The following ZMYND8 variants were observed in gnomAD, a reference collection of about 807,000 sequenced individuals.
ZMYND8 encodes MYND-type zinc finger-containing chromatin reader ZMYND8.
A neutral mutation model predicts 140.8 loss-of-function variants in ZMYND8; 37 were observed. The ratio of observed to expected loss-of-function variants is 0.26; its 90% CI spans 0.20 to 0.35. The LOEUF (loss-of-function observed/expected upper bound fraction) is 0.35. Among genes scored for constraint, ZMYND8 ranks in the 10% least tolerant of loss-of-function variants. The pLI, the probability that ZMYND8 is intolerant of heterozygous loss-of-function variation, is 1.00. For synonymous variants in ZMYND8, 592 were observed against 597.1 expected (o/e 0.99, Z 0.12); for missense variants, 1,068 against 1,570.0 (o/e 0.68, Z 5.40).
chr20:47,335,194 C>T (rs1356168504), intron 2 of ZMYND8, among the ~76,000 whole-genome samples: 1 of 151,826 alleles, frequency 6.6e-6, no homozygotes, highest in Non-Finnish European at 1.5e-5. Flanking sequence ...TGCAGTGAGC[C>T]GAGATCGTCC....
intron 14 of ZMYND8, among the ~76,000 whole-genome samples, chr20:47,243,691 G>T (rs2040222598): frequency 6.6e-6 from 1 of 152,002 alleles, no homozygotes; most frequent in South Asian, 2.1e-4. Context: ...GTTTCATATG[G>T]TTATGTATCC....
chr20:47,213,290 C>T (rs918738225), intron 21 of ZMYND8, among the ~76,000 whole-genome samples: 16 of 151,898 alleles, frequency 1.1e-4, no homozygotes, highest in African/African-American at 3.9e-4. Flanking sequence ...AAATCAGAGT[C>T]AAAAAACAGT....
chr20:47,279,006 G>A (rs945171902), intron 10 of ZMYND8, among the ~76,000 whole-genome samples: 1 of 151,392 alleles, frequency 6.6e-6, no homozygotes, highest in Non-Finnish European at 1.5e-5. Context: ...AGGGCCACCA[G>A]GAGCTTATCA....
At position 47,272,335 on chromosome 20, in the gene ZMYND8, C is replaced by T. The variant is rs531074892; in HGVS notation, c.1480+3979G>A. Among the ~76,000 whole-genome samples, 103 of 152,224 alleles carry T rather than the reference C, an allele frequency of 6.8e-4. 2 individuals are homozygous for T. The highest frequency in any genetic ancestry group is 3.4e-3 in the Middle Eastern group (1 of 294). On this transcript the variant is annotated intron_variant, in intron 11 of 22. Coordinates refer to ENST00000471951, the MANE Select transcript of ZMYND8 (RefSeq NM_001281775.3). Reference sequence around the variant, plus strand: ...CTCGTGATCCGCTTGTCTCGACCTCCCAAAGTGCTGGGATTACAGACGTGA... The same window carrying T: ...CTCGTGATCCGCTTGTCTCGACCTCTCAAAGTGCTGGGATTACAGACGTGA...
intron 2 of ZMYND8, among the ~76,000 whole-genome samples, chr20:47,317,909 G>A (rs761330572): frequency 6.6e-6 from 1 of 152,118 alleles, no homozygotes; most frequent in Non-Finnish European, 1.5e-5. Flanking sequence ...TAAAGTTATC[G>A]AAGAAGTCAA....
At chr20:47,290,720 TAGCTGGAATTA>T in intron 6 of ZMYND8, among the ~76,000 whole-genome samples, 1 of 147,986 alleles carries the variant, frequency 6.8e-6, no homozygotes, top group African/African-American at 2.5e-5. Context: ...GCCTCCTGAA[TAGCTGGAATTA>T]CAGGCGTGTG....
At chr20:47,285,396 G>A (rs2076858875) in intron 8 of ZMYND8, among the ~76,000 whole-genome samples, 1 of 152,200 alleles carries the variant, frequency 6.6e-6, no homozygotes, top group African/African-American at 2.4e-5. Flanking sequence ...TGCACCTCCT[G>A]CTTCTAAGCC....
intron 16 of ZMYND8, among the ~76,000 whole-genome samples, chr20:47,232,897 G>GTTTTTTTTTTTTT (rs144707608): frequency 1.0e-4 from 7 of 70,126 alleles, no homozygotes; most frequent in African/African-American, 3.0e-4. Flanking sequence ...GTTTTTTTTT[G>GTTTTTTTTTTTTT]TTTTTTTTGT....
chr20:47,282,145 T>C lies in ZMYND8; in HGVS notation c.955A>G (p.Lys319Glu), dbSNP rs1317395266. ...PFWPAKALRD[K>E]DGQVDARFFG... ...AATCGGGCATCGACCTGCCCGTCTT[T>C]ATCCCTTAGAGCTTTTGCAGGCCAG... The change falls in exon 10 of 23, where the codon AAA becomes GAA. Residue 319 changes from lysine to glutamate, a missense_variant. Around this residue, in one of 10 missense-constraint regions of ZMYND8, gnomAD observed 109 missense variants for 314.9 expected, o/e 0.35. Transcript: ENST00000471951. 1 of 1,613,974 alleles carries C rather than the reference T, an allele frequency of 6.2e-7. No homozygotes were observed.
In ZMYND8 at chr20:47,236,253, C is replaced by CGAA. The variant is rs991165165; in HGVS notation, c.2856+72_2856+73insTTC. 3.4e-5 allele frequency: 54 copies of CGAA among 1,589,894 alleles called. No homozygotes were observed. The African/African-American group carries it at 5.4e-4, about 16-fold the overall frequency. On this transcript the variant is annotated intron_variant, in intron 16 of 22. Coordinates refer to ENST00000471951, the MANE Select transcript of ZMYND8 (RefSeq NM_001281775.3). ...TGCAAGGTTAAGACGCTCACGCTTC[C>CGAA]CCTCGGGAGACCAAGATTCTGGCAT...
intron 1 of ZMYND8, chr20:47,354,761 T>C (rs1049795449): frequency 6.6e-6 from 1 of 152,238 alleles, no homozygotes; most frequent in African/African-American, 2.4e-5. Flanking sequence ...TGAAAATTTA[T>C]GTACTGAACT....
rs189912942 is a variant in ZMYND8 at position 47,251,791 on chromosome 20, G to A, written c.1622-2352C>T. Among the ~76,000 whole-genome samples the A allele has an allele frequency of 1.3e-4, 18 of 139,378 alleles. No individual in the cohort carries two copies. In the East Asian group the frequency reaches 1.4e-3, roughly 11 times the overall value. The allele number at this position is 139,378 out of a possible 152,430, so 91.4% of individuals were successfully genotyped here. A position where few individuals can be genotyped will look rare whatever the true frequency, so the allele number is the denominator to read the frequency against. ...GGAAGCAAGGAGTGCATCTCTGCCCGGCCGCCGCACCGTCTGGGAAGTGAG... is the reference window on the plus strand; with the variant it reads ...GGAAGCAAGGAGTGCATCTCTGCCCAGCCGCCGCACCGTCTGGGAAGTGAG... On this transcript the variant is annotated intron_variant, in intron 12 of 22. Coordinates refer to ENST00000471951, the MANE Select transcript of ZMYND8 (RefSeq NM_001281775.3).
chr20:47,347,950 A>G, intron 1 of ZMYND8, 24 bp from the exon 2 acceptor site: 1 of 1,612,572 alleles, frequency 6.2e-7, no homozygotes, highest in South Asian at 1.1e-5. Flanking sequence ...AATTATGTTC[A>G]TGTTTAGGAA....
chr20:47,219,332 A>C (rs997078110), intron 21 of ZMYND8, among the ~76,000 whole-genome samples: 56 of 151,834 alleles, frequency 3.7e-4, no homozygotes, highest in African/African-American at 1.3e-3. Context: ...CTGGGATTAC[A>C]GGCATGAGCC....
chr20:47,339,038 T>C (rs996150071), intron 2 of ZMYND8, among the ~76,000 whole-genome samples: 3 of 150,718 alleles, frequency 2.0e-5, no homozygotes, highest in African/African-American at 7.3e-5. Flanking sequence ...AGTGGCGTGA[T>C]CTTGGCTCAC....
intron 2 of ZMYND8, chr20:47,319,336 T>C: frequency 3.6e-6 from 1 of 277,892 alleles, no homozygotes; most frequent in Non-Finnish European, 7.1e-6. Flanking sequence ...TACGAGGAAC[T>C]GCAGTTGTTC....
rs767271028 is a variant in ZMYND8 at position 47,351,051 on chromosome 20, A to G, written c.15-3125T>C. ...ATTCAAAGAAATAACAGTACCTGCA[A>G]AGATAACCAAGACCACCCCATCCCA... On this transcript the variant is annotated intron_variant, in intron 1 of 22. Transcript: ENST00000471951. Among the ~76,000 whole-genome samples, 5 of 152,242 alleles carry G rather than the reference A, an allele frequency of 3.3e-5. No individual in the cohort carries two copies. In the South Asian group the frequency reaches 6.2e-4, roughly 19 times the overall value.
At position 47,212,652 on chromosome 20, in the gene ZMYND8, G is replaced by A. The variant is rs746266035; in HGVS notation, c.3558C>T (p.Pro1186=). The A allele has an allele frequency of 1.1e-5, 17 of 1,613,922 alleles. No homozygotes were observed. Among genetic ancestry groups the A allele is most frequent in the Middle Eastern group, 1.7e-4 (1 of 6,058 alleles). The stretch of plus-strand genomic sequence containing the variant: ...CAGGTTCATACTTACACTTCTGGGC[G>A]GGGTAGTTGGGGTGCGGCTGGTGGT... The part of the protein sequence containing the change: ...TTDHQPHPNY[P]AQKYHSRSNK... Residue 1186 remains proline, a synonymous_variant, in exon 22 of 23, where the codon CCC becomes CCT. Transcript: ENST00000471951.
chr20:47,317,925 T>G (rs1037267912), intron 2 of ZMYND8, among the ~76,000 whole-genome samples: 4 of 152,186 alleles, frequency 2.6e-5, no homozygotes, highest in Admixed American at 2.0e-4. Flanking sequence ...GTCAATGAGT[T>G]AATTCACGTA....
Sources: allele counts gnomAD v4.1 joint callset (sites outside exome capture counted in the v4.1 genomes callset), GRCh38; gene constraint gnomAD v4.1.1; regional missense constraint gnomAD v4.1.1; transcripts MANE v1.5; gene names NCBI Gene and HGNC (gene_info 2026-07-23, HGNC 2026-07-21).